Variants in CDH23 observed in about 807,000 individuals in gnomAD.
The protein encoded by CDH23 is cadherin related 23.
In CDH23, 189 loss-of-function variants were observed where a neutral mutation model predicts 317.1. The ratio of observed to expected loss-of-function variants is 0.60; its 90% confidence interval spans 0.53 to 0.67. The LOEUF (loss-of-function observed/expected upper bound fraction) is 0.67. Among genes scored for constraint, CDH23 ranks in the 30% least tolerant of loss-of-function variants. CDH23 has a pLI of 0.00. For missense variants in CDH23, 4,401 were observed against 4,592.4 expected (o/e 0.96, Z 1.20); for synonymous variants, 1,839 against 1,876.8 (o/e 0.98, Z 0.52).
intron 6 of CDH23, among the ~76,000 whole-genome samples, chr10:71,559,124 C>T (rs1459057719): frequency 6.6e-6 from 1 of 152,190 alleles, no homozygotes; most frequent in East Asian, 1.9e-4. Context: ...TTCCAGTGTT[C>T]TGAGATGCCG....
chr10:71,788,661 T>C (rs1306882875), intron 44 of CDH23, among the ~76,000 whole-genome samples: 2 of 152,046 alleles, frequency 1.3e-5, no homozygotes, highest in African/African-American at 2.4e-5. Flanking sequence ...TTCACCATGT[T>C]AGCCAGGATG....
intron 38 of CDH23, chr10:71,753,782 G>A (rs1340481292): frequency 6.6e-6 from 3 of 456,316 alleles, no homozygotes; most frequent in African/African-American, 6.0e-5. Flanking sequence ...GATGGTGGGG[G>A]AGGGGCACAA....
intron 34 of CDH23, among the ~76,000 whole-genome samples, chr10:71,736,903 G>C (rs1373700062): frequency 1.3e-5 from 2 of 152,202 alleles, no homozygotes; most frequent in Non-Finnish European, 2.9e-5. Context: ...GGGCTTCCCT[G>C]AGGAAGGGAC....
At chr10:71,550,585 G>A (rs1011598047) in intron 6 of CDH23, among the ~76,000 whole-genome samples, 82 of 132,306 alleles carry the variant, frequency 6.2e-4, no homozygotes, top group Middle Eastern at 3.9e-3. Flanking sequence ...AAAGAAAAAA[G>A]AAAAAGAAAG....
intron 2 of CDH23, among the ~76,000 whole-genome samples, chr10:71,441,991 T>C (rs1030323818): frequency 7.9e-5 from 12 of 152,228 alleles, no homozygotes. Context: ...GGAACAATAA[T>C]AGGACTTTCC....
chr10:71,660,363 T>C (rs1394287759), intron 14 of CDH23, among the ~76,000 whole-genome samples: 1 of 152,142 alleles, frequency 6.6e-6, no homozygotes, highest in Non-Finnish European at 1.5e-5. Context: ...TCAAGGTGTA[T>C]TTTTCTCCCA....
intron 9 of CDH23, among the ~76,000 whole-genome samples, chr10:71,596,205 G>A (rs992057618): frequency 2.6e-5 from 4 of 152,012 alleles, no homozygotes; most frequent in Admixed American, 6.6e-5. Context: ...TTAGGATGTC[G>A]GTGGGATCCC....
chr10:71,446,492 C>T (rs1850176538), intron 3 of CDH23, 97 bp downstream of exon 3: 3 of 1,266,720 alleles, frequency 2.4e-6, no homozygotes. Context: ...TCATCTTCCA[C>T]CTGATTTTGG....
chr10:71,520,112 G>A (rs1211833991), intron 6 of CDH23, among the ~76,000 whole-genome samples: 2 of 152,158 alleles, frequency 1.3e-5, no homozygotes, highest in East Asian at 3.9e-4. Context: ...CTGACCTGAA[G>A]AGTATTACCA....
At chr10:71,617,048 A>G (rs891892769) in intron 10 of CDH23, among the ~76,000 whole-genome samples, 157 bp from the exon 11 acceptor site, 3 of 152,190 alleles carry the variant, frequency 2.0e-5, no homozygotes, top group African/African-American at 7.2e-5. Context: ...AAATGGGGAT[A>G]CTAATGATAA....
At chr10:71,570,160 G>C (rs1175290583) in intron 7 of CDH23, among the ~76,000 whole-genome samples, 1 of 152,144 alleles carries the variant, frequency 6.6e-6, no homozygotes, top group Non-Finnish European at 1.5e-5. Flanking sequence ...GAGTCCCCCA[G>C]ATGTCACAGA....
chr10:71,791,153 G>T lies in CDH23; in HGVS notation c.6071G>T (p.Gly2024Val). ...CCAGGTGTGGTGACCGTGAGGTCAG[G>T]TGTCATCATTGACCGGGAGGCATTC... The part of the protein sequence containing the change: ...SSTGVVTVRS[G>V]VIIDREAFSP... The change falls in exon 47 of 70, where the codon GGT becomes GTT. Residue 2024 changes from glycine (G) to valine (V), a missense_variant. Gly to Val is a moderately radical substitution (Grantham distance 109). Coordinates refer to ENST00000224721, the MANE Select transcript of CDH23 (RefSeq NM_022124.6). 1 of 1,610,808 alleles carries T rather than the reference G, an allele frequency of 6.2e-7. No individual in the cohort carries two copies. The highest frequency in any genetic ancestry group is 8.5e-7 in the Non-Finnish European group (1 of 1,178,742).
intron 41 of CDH23, among the ~76,000 whole-genome samples, chr10:71,779,830 A>T (rs902482337): frequency 6.6e-6 from 1 of 152,228 alleles, no homozygotes; most frequent in African/African-American, 2.4e-5. Flanking sequence ...ACACCAAGGG[A>T]GCGCCTGGCT....
At chr10:71,461,653 G>A (rs901306247) in intron 3 of CDH23, among the ~76,000 whole-genome samples, 27 of 152,328 alleles carry the variant, frequency 1.8e-4, no homozygotes, top group East Asian at 5.8e-4. Context: ...AGGACAGCGC[G>A]GCCACCGCGA....
chr10:71,482,000 G>A (rs1341707784), intron 3 of CDH23, among the ~76,000 whole-genome samples: 1 of 152,138 alleles, frequency 6.6e-6, no homozygotes, highest in Non-Finnish European at 1.5e-5. Context: ...GCGTGAGTGT[G>A]AGTCCTCTTC....
In CDH23 at chr10:71,439,873, T is replaced by C. The variant is rs371440350; in HGVS notation, c.42T>C (p.Leu14=). ...CCACCAGCTGCCACGTGGCCTGGCT[T>C]TTGGTGCTGATCTCTGGATGCTGGG... ...HVATSCHVAW[L]LVLISGCWGQ... The change falls in exon 2 of 70, where the codon CTT becomes CTC. Residue 14 remains leucine, a synonymous_variant. Transcript: ENST00000224721. The C allele has an allele frequency of 2.5e-5, 39 of 1,575,824 alleles. No individual in the cohort carries two copies. Among genetic ancestry groups the C allele is most frequent in the Non-Finnish European group, 3.0e-5 (35 of 1,159,642 alleles).
intron 38 of CDH23, among the ~76,000 whole-genome samples, chr10:71,764,254 A>G (rs1840473028): frequency 6.6e-6 from 1 of 152,226 alleles, no homozygotes; most frequent in African/African-American, 2.4e-5. Flanking sequence ...TTTCATGGGC[A>G]TATCTAACAA....
At chr10:71,701,059 T>C (rs931441813) in intron 22 of CDH23, among the ~76,000 whole-genome samples, 4 of 152,252 alleles carry the variant, frequency 2.6e-5, no homozygotes, top group Non-Finnish European at 4.4e-5. Flanking sequence ...CCACCACCAC[T>C]GATCTTGTCC....
intron 3 of CDH23, among the ~76,000 whole-genome samples, chr10:71,503,381 C>T (rs1853446474): frequency 6.6e-6 from 1 of 152,220 alleles, no homozygotes; most frequent in Non-Finnish European, 1.5e-5. Context: ...TTCCCCTGTC[C>T]ATTTGTGCAC....
Sources: allele counts gnomAD v4.1 joint callset (sites outside exome capture counted in the v4.1 genomes callset), GRCh38; gene constraint gnomAD v4.1.1; transcripts MANE v1.5; gene names NCBI Gene and HGNC (gene_info 2026-07-23, HGNC 2026-07-21).